Variants in SOX6 observed in about 807,000 individuals in gnomAD.
The protein encoded by SOX6 is transcription factor SOX-6.
Under a neutral mutation model 97.8 loss-of-function variants are expected in SOX6, and 11 were observed. The observed-to-expected ratio is 0.11, with a 90% CI of 0.07 to 0.19. The LOEUF is 0.19. Ranked by LOEUF, SOX6 falls within the 10% of genes least tolerant of loss-of-function variation. SOX6 has a pLI of 1.00. For missense variants in SOX6, 810 were observed against 1,039.5 expected (o/e 0.78, Z 3.04); for synonymous variants, 360 against 371.4 (o/e 0.97, Z 0.35).
At chr11:16,045,138 A>G (rs1055126775) in intron 12 of SOX6, among the ~76,000 whole-genome samples, 1 of 152,188 alleles carries the variant, frequency 6.6e-6, no homozygotes, top group African/African-American at 2.4e-5. Flanking sequence ...TAATCTGTAG[A>G]ATTTGAAGTT....
chr11:16,701,978 G>T (rs780637929), intron 3 of SOX6, among the ~76,000 whole-genome samples: 2 of 152,114 alleles, frequency 1.3e-5, no homozygotes, highest in Non-Finnish European at 2.9e-5. Flanking sequence ...AACACATTTG[G>T]GAAGAAGAAT....
intron 2 of SOX6, among the ~76,000 whole-genome samples, chr11:16,332,735 C>T (rs554466207): frequency 6.6e-6 from 1 of 152,202 alleles, no homozygotes; most frequent in East Asian, 1.9e-4. Context: ...CAATTTGCAT[C>T]ACCTAAAAAA....
At chr11:16,067,902 A>G (rs542122395) in intron 9 of SOX6, among the ~76,000 whole-genome samples, 2 of 152,200 alleles carry the variant, frequency 1.3e-5, no homozygotes, top group African/African-American at 4.8e-5. Flanking sequence ...AAAAAAAATT[A>G]CTATTCTATA....
chr11:16,480,104 T>G (rs1230481090), upstream of SOX6, among the ~76,000 whole-genome samples: 2 of 152,134 alleles, frequency 1.3e-5, no homozygotes, highest in Non-Finnish European at 2.9e-5. Flanking sequence ...AGCCCATCAA[T>G]TTATAGAATA....
chr11:16,689,735 C>T (rs1847998159), intron 3 of SOX6, among the ~76,000 whole-genome samples: 1 of 152,106 alleles, frequency 6.6e-6, no homozygotes, highest in Non-Finnish European at 1.5e-5. Flanking sequence ...CTTTTAAGTA[C>T]ATTCTAGATA....
At chr11:16,303,357 CTT>C (rs957939657) in intron 3 of SOX6, among the ~76,000 whole-genome samples, 2 of 152,130 alleles carry the variant, frequency 1.3e-5, no homozygotes, top group Non-Finnish European at 2.9e-5. Context: ...TTAAAATCAT[CTT>C]GTGAGGCAAG....
chr11:16,574,151 A>C (rs1847962285), intron 4 of SOX6, among the ~76,000 whole-genome samples: 1 of 152,200 alleles, frequency 6.6e-6, no homozygotes, highest in Non-Finnish European at 1.5e-5. Flanking sequence ...TTCTAAATTT[A>C]TATGGAAATG....
At chr11:16,047,784 G>C (rs1233324252) in intron 11 of SOX6, among the ~76,000 whole-genome samples, 2 of 151,576 alleles carry the variant, frequency 1.3e-5, no homozygotes, top group Non-Finnish European at 2.9e-5. Flanking sequence ...AATGAGTGTA[G>C]AATCAAGCTC....
chr11:16,718,522 C>A (rs897312420), intron 2 of SOX6, among the ~76,000 whole-genome samples: 1 of 152,062 alleles, frequency 6.6e-6, no homozygotes, highest in African/African-American at 2.4e-5. Context: ...AAATACCAGC[C>A]AAAACATGTT....
Position 16,638,269 on chromosome 11 carries a change from T to C in SOX6, n.430-26009A>G, listed in dbSNP as rs569020914. Among the ~76,000 whole-genome samples the C allele has an allele frequency of 7.2e-3, 1,100 of 152,180 alleles. 11 individuals are homozygous for C. Among genetic ancestry groups the C allele is most frequent in the African/African-American group, 0.025 (1,052 of 41,524 alleles). ...TTTATGGCTGCATAGTATTCCATGG[T>C]GTATATGTGCCACATTTTCTTAATC... On this transcript the variant is annotated intron_variant and non_coding_transcript_variant, in intron 3 of 5. Coordinates refer to the SOX6 transcript ENST00000524520.
chr11:16,461,031 G>A (rs193053540), intron 1 of SOX6, among the ~76,000 whole-genome samples: 19 of 151,950 alleles, frequency 1.3e-4, no homozygotes, highest in African/African-American at 3.4e-4. Flanking sequence ...CCAGTCTTCC[G>A]TGGGAAGAAA....
intron 9 of SOX6, among the ~76,000 whole-genome samples, chr11:16,059,054 C>G (rs889842521): frequency 6.6e-6 from 1 of 152,036 alleles, no homozygotes; most frequent in Non-Finnish European, 1.5e-5. Context: ...TTCTTTTTGG[C>G]TTTACACTCC....
intron 15 of SOX6, among the ~76,000 whole-genome samples, chr11:15,979,807 C>G (rs1333188557): frequency 6.6e-6 from 1 of 151,954 alleles, no homozygotes; most frequent in Non-Finnish European, 1.5e-5. Context: ...TTTTCCATGA[C>G]TGCCCTATTT....
intron 4 of SOX6, among the ~76,000 whole-genome samples, chr11:16,578,829 T>G (rs950970085): frequency 6.6e-6 from 1 of 152,096 alleles, no homozygotes; most frequent in Non-Finnish European, 1.5e-5. Context: ...AATTACAGCA[T>G]GAGTAGCAAG....
intron 7 of SOX6, among the ~76,000 whole-genome samples, chr11:16,099,187 A>G (rs1219303251): frequency 6.6e-6 from 1 of 151,680 alleles, no homozygotes; most frequent in African/African-American, 2.4e-5. Flanking sequence ...AAAATATCTG[A>G]TCTTGTTTTT....
At chr11:16,730,096 CA>C (rs1040742117) in intron 2 of SOX6, among the ~76,000 whole-genome samples, 48 of 150,828 alleles carry the variant, frequency 3.2e-4, no homozygotes, top group Non-Finnish European at 2.2e-4. Context: ...ATTCATAAAG[CA>C]AGTTCTTAGA....
chr11:16,522,228 G>A (rs1397815797), intron 4 of SOX6, among the ~76,000 whole-genome samples: 2 of 152,196 alleles, frequency 1.3e-5, no homozygotes, highest in Non-Finnish European at 1.5e-5. Flanking sequence ...GGCAGCCACA[G>A]AGAAAGGTCG....
At chr11:16,333,159 T>A (rs761151959) in intron 2 of SOX6, among the ~76,000 whole-genome samples, 9 of 152,142 alleles carry the variant, frequency 5.9e-5, no homozygotes, top group Non-Finnish European at 1.2e-4. Context: ...AAGGTAGGTC[T>A]CAAGGTGTGC....
intron 1 of SOX6, among the ~76,000 whole-genome samples, chr11:16,466,925 C>T (rs1860047050): frequency 1.8e-5 from 2 of 109,080 alleles, no homozygotes; most frequent in African/African-American, 3.8e-5. Flanking sequence ...AGCGAGACTC[C>T]GTCTCAAAAA....
Sources: gnomAD v4.1 joint callset for allele counts (sites outside exome capture counted in the v4.1 genomes callset) on GRCh38, gnomAD v4.1.1 for gene constraint, MANE v1.5 for transcripts, NCBI Gene and HGNC (gene_info 2026-07-23, HGNC 2026-07-21) for gene names.